C11orf65: variants seen among roughly 807,000 people sequenced by gnomAD.
C11orf65 encodes protein MFI.
A neutral mutation model predicts 35.3 loss-of-function variants in C11orf65; 38 were observed. The ratio of observed to expected loss-of-function variants is 1.08; its 90% confidence interval spans 0.83 to 1.41. The LOEUF is 1.41. C11orf65 is among the 40% of genes most tolerant of loss of function. The probability of loss-of-function intolerance (pLI) is 0.00; values close to 1 mark genes in which losing one functional copy is unlikely to be tolerated. For missense variants in C11orf65, 370 were observed against 367.1 expected (o/e 1.01, Z -0.06); for synonymous variants, 105 against 114.4 (o/e 0.92, Z 0.53).
chr11:108,377,840 GACAA>G (rs1171070423), downstream of C11orf65, among the ~76,000 whole-genome samples: 10 of 151,808 alleles, frequency 6.6e-5, no homozygotes, highest in East Asian at 9.6e-4. Flanking sequence ...ACCAATAACA[GACAA>G]ACAGAGAGCC....
At chr11:108,396,516 C>A (rs1184177132) in intron 6 of C11orf65, among the ~76,000 whole-genome samples, 2 of 151,836 alleles carry the variant, frequency 1.3e-5, no homozygotes, top group Non-Finnish European at 2.9e-5. Flanking sequence ...TAATTTAATT[C>A]TCAGGTTTTG....
intron 2 of C11orf65, among the ~76,000 whole-genome samples, chr11:108,356,507 G>T (rs531044339): frequency 6.9e-6 from 1 of 144,504 alleles, no homozygotes; most frequent in East Asian, 2.0e-4. Flanking sequence ...TTGCCCTCCA[G>T]CCTGGGCGAC....
At chr11:108,339,404 G>T (rs1417525592) in intron 2 of C11orf65, among the ~76,000 whole-genome samples, 3 of 151,992 alleles carry the variant, frequency 2.0e-5, no homozygotes, top group African/African-American at 7.2e-5. Context: ...GTTCTGGGGA[G>T]AGAAGCCATA....
intron 2 of C11orf65, among the ~76,000 whole-genome samples, chr11:108,446,952 T>C (rs1352735841): frequency 6.6e-6 from 1 of 151,522 alleles, no homozygotes; most frequent in South Asian, 2.1e-4. Flanking sequence ...GCCAAGCAAA[T>C]GGAAAACAAA....
At chr11:108,457,996 C>T (rs1485468489) in intron 2 of C11orf65, among the ~76,000 whole-genome samples, 2 of 152,086 alleles carry the variant, frequency 1.3e-5, no homozygotes, top group Non-Finnish European at 2.9e-5. Context: ...CCATGACTTT[C>T]ACAGTTAGCT....
intron 2 of C11orf65, among the ~76,000 whole-genome samples, chr11:108,358,545 G>A (rs1454245750): frequency 7.5e-6 from 1 of 133,798 alleles, no homozygotes; most frequent in Non-Finnish European, 1.6e-5. Flanking sequence ...CAGCCAGAGA[G>A]AAAGGTCGGG....
chr11:108,436,665 A>T (rs1462760568), intron 2 of C11orf65, among the ~76,000 whole-genome samples: 1 of 152,236 alleles, frequency 6.6e-6, no homozygotes, highest in Non-Finnish European at 1.5e-5. Flanking sequence ...ACATATAGAC[A>T]CATCATAATC....
At chr11:108,353,934 G>A (rs2089539188) in intron 2 of C11orf65, 2 of 1,502,888 alleles carry the variant, frequency 1.3e-6, no homozygotes, top group Non-Finnish European at 1.9e-6. Flanking sequence ...AAATTACATG[G>A]GCTGGGCATG....
chr11:108,361,481 C>T lies in C11orf65; in HGVS notation c.227-26189G>A, dbSNP rs536682426. On this transcript the variant is annotated intron_variant, in intron 2 of 3. Coordinates refer to the C11orf65 transcript ENST00000524755. ...TCATATGGAACCAAAAAAGAGCCCG[C>T]ATCGGCAAGTCAATCCTAAGCCAAA... is the stretch of plus-strand genomic sequence containing the variant. 1.5e-4 allele frequency among the ~76,000 whole-genome samples: 23 copies of T among 152,082 alleles called. 1 individual carries two copies. The highest frequency in any genetic ancestry group is 8.4e-4 in the South Asian group (4 of 4,786).
chr11:108,376,226 T>G (rs1324383400), intron 2 of C11orf65, among the ~76,000 whole-genome samples: 4 of 152,100 alleles, frequency 2.6e-5, no homozygotes, highest in South Asian at 4.2e-4. Flanking sequence ...ACCACATAGT[T>G]GGAAGTAAAG....
chr11:108,351,314 G>A (rs1236736995), intron 2 of C11orf65, among the ~76,000 whole-genome samples: 8 of 152,214 alleles, frequency 5.3e-5, no homozygotes, highest in Admixed American at 6.5e-5. Context: ...TTCTGTTAAC[G>A]TGGATTTGTT....
chr11:108,338,325 C>G (rs947009539), intron 2 of C11orf65, among the ~76,000 whole-genome samples: 4 of 152,166 alleles, frequency 2.6e-5, no homozygotes, highest in Non-Finnish European at 5.9e-5. Context: ...GCACTCCAGC[C>G]TGGGTGACAG....
At chr11:108,337,497 G>C (rs891965514) in intron 2 of C11orf65, among the ~76,000 whole-genome samples, 7 of 152,178 alleles carry the variant, frequency 4.6e-5, no homozygotes, top group Non-Finnish European at 1.0e-4. Flanking sequence ...ACAGATTTCT[G>C]ATCCCCATTC....
In C11orf65 at chr11:108,319,345, T is replaced by C. The variant is rs181159133; in HGVS notation, c.641-10274A>G. 2.6e-5 allele frequency among the ~76,000 whole-genome samples: 4 copies of C among 152,348 alleles called. No individual in the cohort carries two copies. The East Asian group carries it at 7.7e-4, about 29-fold the overall frequency. ...CTTCTCCTTCCTCTTGTATTTCAGCTACACAGACCTCTCTGTGTTTTCTTG... is the reference window on the plus strand; with the variant it reads ...CTTCTCCTTCCTCTTGTATTTCAGCCACACAGACCTCTCTGTGTTTTCTTG... On this transcript the variant is annotated intron_variant, in intron 6 of 6. Coordinates refer to the C11orf65 transcript ENST00000525729.
chr11:108,449,241 A>G (rs1201761813), intron 2 of C11orf65, among the ~76,000 whole-genome samples: 1 of 152,090 alleles, frequency 6.6e-6, no homozygotes, highest in East Asian at 1.9e-4. Flanking sequence ...TGCCATCCCC[A>G]TCAAGCTACC....
intron 2 of C11orf65, among the ~76,000 whole-genome samples, chr11:108,442,182 C>G (rs768875162): frequency 2.0e-5 from 3 of 152,014 alleles, no homozygotes; most frequent in African/African-American, 4.8e-5. Flanking sequence ...GATGCATGCA[C>G]AAGCTTCAGT....
At chr11:108,387,148 C>CTTTTTTTTTTTTTTTTT (rs1175890979) in intron 7 of C11orf65, among the ~76,000 whole-genome samples, 8 of 84,388 alleles carry the variant, frequency 9.5e-5, no homozygotes, top group Non-Finnish European at 1.5e-4. Context: ...TTCTTTCTTT[C>CTTTTTTTTTTTTTTTTT]TTTTTTTTTT....
chr11:108,375,078 G>C (rs887759237), intron 2 of C11orf65, among the ~76,000 whole-genome samples: 1 of 152,206 alleles, frequency 6.6e-6, no homozygotes, highest in South Asian at 2.1e-4. Context: ...ATATTATCCA[G>C]GAGAACTTCC....
intron 2 of C11orf65, among the ~76,000 whole-genome samples, chr11:108,437,119 G>GGA (rs57769492): frequency 6.8e-6 from 1 of 147,360 alleles, no homozygotes; most frequent in Admixed American, 6.8e-5. Context: ...AAGGGGGGGG[G>GGA]TGGACAAAAT....
Sources: gnomAD v4.1 joint callset for allele counts (sites outside exome capture counted in the v4.1 genomes callset) on GRCh38, gnomAD v4.1.1 for gene constraint, MANE v1.5 for transcripts, NCBI Gene and HGNC (gene_info 2026-07-23, HGNC 2026-07-21) for gene names.